Variants in ESR1 observed in about 807,000 individuals in gnomAD.
ESR1 encodes estrogen receptor 1.
Under a neutral mutation model 52.7 loss-of-function variants are expected in ESR1, and 12 were observed. That is an observed-to-expected ratio of 0.23 (90% confidence interval 0.15 to 0.37). ESR1 has a LOEUF of 0.37. Among genes scored for constraint, ESR1 ranks in the 10% least tolerant of loss-of-function variants. ESR1 has a pLI of 1.00. For synonymous variants in ESR1, 305 were observed against 316.8 expected (o/e 0.96, Z 0.39); for missense variants, 584 against 779.7 (o/e 0.75, Z 2.99).
At chr6:151,853,664 A>G (rs1018840844) in intron 2 of ESR1, among the ~76,000 whole-genome samples, 1 of 152,214 alleles carries the variant, frequency 6.6e-6, no homozygotes, top group Admixed American at 6.5e-5. Flanking sequence ...ATGGCAACAA[A>G]TGCCTTTGAA....
chr6:151,839,441 A>G (rs937534028), intron 1 of ESR1, among the ~76,000 whole-genome samples: 1 of 152,238 alleles, frequency 6.6e-6, no homozygotes, highest in Non-Finnish European at 1.5e-5. Context: ...GTGATTCCTC[A>G]AAAAATCAAA....
intron 1 of ESR1, chr6:151,813,308 C>T (rs912442182): frequency 3.3e-5 from 5 of 152,076 alleles, no homozygotes; most frequent in Non-Finnish European, 5.9e-5. Flanking sequence ...TTTCAAGAAA[C>T]GTGGGCAAAT....
chr6:151,872,905 A>G (rs1791215169), intron 2 of ESR1, among the ~76,000 whole-genome samples: 1 of 152,208 alleles, frequency 6.6e-6, no homozygotes, highest in Non-Finnish European at 1.5e-5. Context: ...TCCTTGTCAT[A>G]TAAGTCAAAG....
rs537935991 is a variant in ESR1 at position 151,849,712 on chromosome 6, G to A, written c.643+6925G>A. 3.3e-5 allele frequency among the ~76,000 whole-genome samples: 5 copies of A among 151,684 alleles called. No individual in the cohort carries two copies. In the East Asian group the frequency reaches 9.7e-4, roughly 30 times the overall value. On this transcript the variant is annotated intron_variant, in intron 2 of 7. Transcript: ENST00000206249. ...TCTCTGAGAAGGAAGAAATGTCACT[G>A]GGTTAGGTTGGTAAGAGAAGTGTTA...
Position 152,100,887 on chromosome 6 carries a change from CTTAG to C in ESR1, c.*1924_*1927del, listed in dbSNP as rs543776431. ...TTGTTGCTGTTTGTTTAAGAAGCACCTTAGTTTGTTTAAGAAGCACCTTATATAG... is the reference window on the plus strand; with the variant it reads ...TTGTTGCTGTTTGTTTAAGAAGCACCTTTGTTTAAGAAGCACCTTATATAG... On this transcript the variant is annotated 3_prime_UTR_variant, in exon 8 of 8. Coordinates refer to ENST00000206249, the MANE Select transcript of ESR1 (RefSeq NM_000125.4). The C allele has an allele frequency of 4.1e-3, 957 of 230,752 alleles. 1 individual carries two copies. The highest frequency in any genetic ancestry group is 6.1e-3 in the Non-Finnish European group (713 of 116,456). 14.3% of individuals were successfully genotyped at this position (230,752 alleles called of 1,614,324 possible).
intron 2 of ESR1, among the ~76,000 whole-genome samples, chr6:151,767,103 C>A (rs1785117512): frequency 6.6e-6 from 1 of 152,168 alleles, no homozygotes; most frequent in Non-Finnish European, 1.5e-5. Flanking sequence ...ATCATTCTTT[C>A]ATCTGTTTCT....
At chr6:151,766,061 G>C (rs1785026525) in intron 2 of ESR1, among the ~76,000 whole-genome samples, 2 of 152,080 alleles carry the variant, frequency 1.3e-5, no homozygotes, top group African/African-American at 4.8e-5. Context: ...GAATTTTAAG[G>C]AATGCATACA....
intron 2 of ESR1, among the ~76,000 whole-genome samples, chr6:151,792,605 A>G (rs1384520450): frequency 6.6e-6 from 1 of 151,936 alleles, no homozygotes; most frequent in East Asian, 1.9e-4. Context: ...GCACCCAGCT[A>G]ATTTTTAAAT....
At chr6:152,003,704 G>A (rs1381464509) in intron 4 of ESR1, among the ~76,000 whole-genome samples, 3 of 151,926 alleles carry the variant, frequency 2.0e-5, no homozygotes, top group African/African-American at 7.2e-5. Flanking sequence ...AATGCTTACA[G>A]GAGGGATACA....
rs1005363922 is a variant in ESR1 at position 152,074,382 on chromosome 6, T to G, written c.1369+13258T>G. Among the ~76,000 whole-genome samples, 4 of 152,188 alleles carry G rather than the reference T, an allele frequency of 2.6e-5. No individual in the cohort carries two copies. The East Asian group carries it at 7.7e-4, about 29-fold the overall frequency. Reference sequence around the variant, plus strand: ...GATTGGCTTCTTTCACTCAGTGATATGCATTTAAGGTTCTTCCATGTCTTT... The same window carrying G: ...GATTGGCTTCTTTCACTCAGTGATAGGCATTTAAGGTTCTTCCATGTCTTT... On this transcript the variant is annotated intron_variant, in intron 6 of 7. Transcript: ENST00000206249.
At chr6:151,834,072 A>G (rs1447598797) in intron 1 of ESR1, among the ~76,000 whole-genome samples, 1 of 152,212 alleles carries the variant, frequency 6.6e-6, no homozygotes, top group Non-Finnish European at 1.5e-5. Context: ...GGATGTGGAG[A>G]AATAGGAACA....
chr6:151,960,516 T>C (rs945245380), intron 4 of ESR1, among the ~76,000 whole-genome samples: 5 of 151,712 alleles, frequency 3.3e-5, no homozygotes, highest in Non-Finnish European at 4.4e-5. Context: ...AAGTGCAGAG[T>C]CCTGACAGCA....
intron 4 of ESR1, among the ~76,000 whole-genome samples, chr6:151,957,388 A>G (rs1432339926): frequency 6.6e-6 from 1 of 152,208 alleles, no homozygotes; most frequent in South Asian, 2.1e-4. Context: ...ACTAGGATAG[A>G]AACCAGTTTC....
chr6:151,713,290 T>C (rs1320859484), intron 2 of ESR1, among the ~76,000 whole-genome samples: 2 of 152,344 alleles, frequency 1.3e-5, no homozygotes, highest in East Asian at 3.9e-4. Flanking sequence ...GATATTGGCC[T>C]GAAATTTTCT....
At chr6:151,933,260 G>A (rs1210920091) in intron 3 of ESR1, among the ~76,000 whole-genome samples, 1 of 149,004 alleles carries the variant, frequency 6.7e-6, no homozygotes, top group Non-Finnish European at 1.5e-5. Context: ...CTGTTTGTCT[G>A]TTGTTGGTGT....
intron 7 of ESR1, among the ~76,000 whole-genome samples, chr6:152,095,172 A>G (rs2050508726): frequency 1.3e-5 from 2 of 152,230 alleles, no homozygotes; most frequent in Non-Finnish European, 2.9e-5. Flanking sequence ...TGATCATTCT[A>G]GAACCAAATC....
chr6:151,869,474 G>C (rs1790563261), intron 2 of ESR1, among the ~76,000 whole-genome samples: 1 of 152,184 alleles, frequency 6.6e-6, no homozygotes, highest in African/African-American at 2.4e-5. Context: ...GCGGTTCATT[G>C]TCCCTGAGGT....
At position 151,902,335 on chromosome 6, in the gene ESR1, T is replaced by C. The variant is rs140346507; in HGVS notation, c.760+21564T>C. ...AGGAAGCTCAAGGTTTCTGGCCCTT[T>C]TGGCTCATGTTCTTGGAGGTATATT... On this transcript the variant is annotated intron_variant, in intron 3 of 7. Coordinates refer to ENST00000206249, the MANE Select transcript of ESR1 (RefSeq NM_000125.4). Among the ~76,000 whole-genome samples, 64 of 152,274 alleles carry C rather than the reference T, an allele frequency of 4.2e-4. No homozygotes were observed. The East Asian group carries it at 0.012, about 29-fold the overall frequency.
At chr6:151,858,926 T>C (rs1399421453) in intron 2 of ESR1, among the ~76,000 whole-genome samples, 1 of 152,248 alleles carries the variant, frequency 6.6e-6, no homozygotes, top group Non-Finnish European at 1.5e-5. Flanking sequence ...TTCTTTATAA[T>C]TGGCTTTGTT....
Sources: gnomAD v4.1 joint callset for allele counts (sites outside exome capture counted in the v4.1 genomes callset) on GRCh38, gnomAD v4.1.1 for gene constraint, MANE v1.5 for transcripts, NCBI Gene and HGNC (gene_info 2026-07-23, HGNC 2026-07-21) for gene names.